Variants in TGM3 observed in about 807,000 individuals in gnomAD.
The protein encoded by TGM3 is transglutaminase 3, also known as protein-glutamine gamma-glutamyltransferase E.
In TGM3, 52 loss-of-function variants were observed where a neutral mutation model predicts 73.8. The ratio of observed to expected loss-of-function variants is 0.70; its 90% CI spans 0.56 to 0.89. The LOEUF (loss-of-function observed/expected upper bound fraction) is 0.89. TGM3 is among the 40% of genes least tolerant of loss of function. The pLI is 0.00. For missense variants in TGM3, 928 were observed against 909.9 expected (o/e 1.02, Z -0.26); for synonymous variants, 372 against 354.9 (o/e 1.05, Z -0.54).
Position 2,334,874 on chromosome 20 carries a change from C to T in TGM3, c.1643-242C>T, listed in dbSNP as rs2084340043. Among the ~76,000 whole-genome samples, 1 of 152,238 alleles carries T rather than the reference C, an allele frequency of 6.6e-6. No homozygotes were observed. The highest frequency in any genetic ancestry group is 6.5e-5 in the Admixed American group (1 of 15,292). ...CAGCGGTATCTTTAGCCCCTGTGAG[C>T]CCATCCTCCTGGGAATCTGCCCAGC... is the stretch of plus-strand genomic sequence containing the variant. On this transcript the variant is annotated intron_variant, in intron 10 of 12. Transcript: ENST00000381458. The surrounding 1 kb of genome is among the most constrained non-coding windows in gnomAD (Gnocchi z 4.0).
chr20:2,310,811 C>T (rs779737485), intron 3 of TGM3, among the ~76,000 whole-genome samples, 200 bp from the exon 4 acceptor site: 3 of 152,176 alleles, frequency 2.0e-5, no homozygotes, highest in Non-Finnish European at 4.4e-5. Context: ...TTCAGACCCT[C>T]GGGTCATCCT....
rs764455839 is a variant in TGM3 at position 2,340,600 on chromosome 20, CGT to C, written c.*20_*21del. Reference sequence around the variant, plus strand: ...CGAATGAAGGGCGCTGGTGGCCTCCCGTACAAACTTGGACAACACGGAGCAGG... The same window carrying C: ...CGAATGAAGGGCGCTGGTGGCCTCCCACAAACTTGGACAACACGGAGCAGG... On this transcript the variant is annotated 3_prime_UTR_variant, in exon 13 of 13. Coordinates refer to ENST00000381458, the MANE Select transcript of TGM3 (RefSeq NM_003245.4). The C allele has an allele frequency of 2.3e-5, 37 of 1,614,008 alleles. No individual in the cohort carries two copies. Among genetic ancestry groups the C allele is most frequent in the Non-Finnish European group, 2.9e-5 (34 of 1,180,004 alleles).
intron 11 of TGM3, among the ~76,000 whole-genome samples, chr20:2,339,462 C>A (rs1337506674): frequency 6.6e-6 from 1 of 152,204 alleles, no homozygotes. Flanking sequence ...CACAGCAAGA[C>A]CCTGTCCTTG....
chr20:2,311,018 C>T lies in TGM3; in HGVS notation c.429C>T (p.Ser143=), dbSNP rs775635030. The change falls in exon 4 of 13, where the codon AGC becomes AGT. Residue 143 remains serine, a synonymous_variant. Coordinates refer to ENST00000381458, the MANE Select transcript of TGM3 (RefSeq NM_003245.4). Reference sequence around the variant, plus strand: ...GCTTTTTGTATCAAATAGTGGATAGCGTCTTTATGGGTAACCACGCTGAGA... The same window carrying T: ...GCTTTTTGTATCAAATAGTGGATAGTGTCTTTATGGGTAACCACGCTGAGA... The part of the protein sequence containing the change: ...LLFNPWLNVD[S]VFMGNHAERE... The T allele has an allele frequency of 5.1e-5, 83 of 1,613,334 alleles. No individual in the cohort carries two copies. The highest frequency in any genetic ancestry group is 1.8e-4 in the East Asian group (8 of 44,888).
intron 1 of TGM3, among the ~76,000 whole-genome samples, chr20:2,307,534 C>T (rs910910674): frequency 6.6e-6 from 1 of 152,202 alleles, no homozygotes; most frequent in Non-Finnish European, 1.5e-5. Flanking sequence ...TTCAGTGTAG[C>T]TTTTCCTGAT....
intron 5 of TGM3, among the ~76,000 whole-genome samples, 190 bp downstream of exon 5, chr20:2,313,216 C>A (rs1452738722): frequency 1.3e-5 from 2 of 152,216 alleles, no homozygotes; most frequent in Non-Finnish European, 2.9e-5. Flanking sequence ...TTGCCTGAGG[C>A]ACACAGTGAG....
At chr20:2,323,209 C>G (rs142644049) in intron 7 of TGM3, among the ~76,000 whole-genome samples, 43 of 152,310 alleles carry the variant, frequency 2.8e-4, no homozygotes, top group African/African-American at 1.0e-3. Context: ...ATCCCTCACC[C>G]CCTTCCCACC....
At chr20:2,327,722 G>T (rs893995464) in intron 8 of TGM3, among the ~76,000 whole-genome samples, 1 of 152,150 alleles carries the variant, frequency 6.6e-6, no homozygotes, top group Non-Finnish European at 1.5e-5. Flanking sequence ...GGTCCCTGCA[G>T]GCTGCCTGTT....
chr20:2,328,769 G>T lies in TGM3; in HGVS notation c.1333+404G>T, dbSNP rs1228422572. On this transcript the variant is annotated intron_variant, in intron 9 of 12. Coordinates refer to ENST00000381458, the MANE Select transcript of TGM3 (RefSeq NM_003245.4). The surrounding 1 kb of genome is among the most constrained non-coding windows in gnomAD (Gnocchi z 5.2). ...TCCCTTAGCCTCTGAGAAACTCAGG[G>T]AGAAAACCATCTGAACGAAGAAAGG... is the stretch of plus-strand genomic sequence containing the variant. Among the ~76,000 whole-genome samples the T allele has an allele frequency of 6.6e-6, 1 of 152,242 alleles. No individual in the cohort carries two copies. Among genetic ancestry groups the T allele is most frequent in the African/African-American group, 2.4e-5 (1 of 41,464 alleles).
At chr20:2,301,337 G>A (rs1016580317) in intron 1 of TGM3, among the ~76,000 whole-genome samples, 8 of 149,996 alleles carry the variant, frequency 5.3e-5, no homozygotes, top group African/African-American at 1.5e-4. Flanking sequence ...TCTGAGACCC[G>A]GCTTCTGGGC....
chr20:2,337,876 A>G (rs903686040), intron 11 of TGM3, among the ~76,000 whole-genome samples: 1 of 152,216 alleles, frequency 6.6e-6, no homozygotes, highest in East Asian at 1.9e-4. Flanking sequence ...AAGATACTAC[A>G]ATATCTTTAG....
rs1449236141 is a variant in TGM3, at chr20:2,309,780, T to C, written c.131T>C (p.Met44Thr). Residue 44 changes from methionine to threonine, a missense_variant, in exon 2 of 13, where the codon ATG becomes ACG. By Grantham distance (81) the Met-to-Thr change is moderately conservative (BLOSUM62 -1). Coordinates refer to ENST00000381458, the MANE Select transcript of TGM3 (RefSeq NM_003245.4). Reference protein sequence around the residue: ...RGQNFQVLMIMNKGLGSNERL... With the variant: ...RGQNFQVLMITNKGLGSNERL... ...CAAAACTTCCAGGTCTTAATGATCA[T>C]GAACAAAGGCCTTGGCTCTAACGAA... 1.9e-6 allele frequency: 3 copies of C among 1,614,220 alleles called. No homozygotes were observed. Among genetic ancestry groups the C allele is most frequent in the South Asian group, 1.1e-5 (1 of 91,084 alleles).
intron 1 of TGM3, among the ~76,000 whole-genome samples, chr20:2,306,036 G>T (rs902424089): frequency 1.3e-5 from 2 of 152,134 alleles, no homozygotes; most frequent in Non-Finnish European, 2.9e-5. Context: ...AGGCACCCTG[G>T]AGCTCAGTTT....
Position 2,328,050 on chromosome 20 carries a change from C to T in TGM3, c.1088-70C>T. On this transcript the variant is annotated intron_variant, in intron 8 of 12. Transcript: ENST00000381458. The surrounding 1 kb of genome is among the most constrained non-coding windows in gnomAD (Gnocchi z 5.2). Reference sequence around the variant, plus strand: ...AGGGGGTTGCAGTGGTCCTGGAAGGCCCTGGGGAATCGGGCACTGGGTAGG... The same window carrying T: ...AGGGGGTTGCAGTGGTCCTGGAAGGTCCTGGGGAATCGGGCACTGGGTAGG... 3.8e-6 allele frequency: 6 copies of T among 1,598,140 alleles called. No individual in the cohort carries two copies. The highest frequency in any genetic ancestry group is 2.2e-5 in the East Asian group (1 of 44,692).
chr20:2,309,858 A>C, intron 2 of TGM3, 28 bp downstream of exon 2: 1 of 1,613,324 alleles, frequency 6.2e-7, no homozygotes, highest in Non-Finnish European at 8.5e-7. Context: ...TCCTTGCCCA[A>C]ACACACACAT....
At chr20:2,300,220 GAAAGAAAGAAAGAAAA>G (rs2084137087) in intron 1 of TGM3, among the ~76,000 whole-genome samples, 1 of 89,078 alleles carries the variant, frequency 1.1e-5, no homozygotes, top group Non-Finnish European at 2.7e-5. Context: ...AGAAAGAGAA[GAAAGAAAGAAAGAAAA>G]AAAGAAAGAA....
intron 5 of TGM3, among the ~76,000 whole-genome samples, chr20:2,313,571 GA>G (rs779160795): frequency 2.0e-5 from 3 of 152,134 alleles, no homozygotes; most frequent in Non-Finnish European, 4.4e-5. Context: ...ATGCAAGTCA[GA>G]CCAGAACAAG....
Position 2,328,452 on chromosome 20 carries a change from C to T in TGM3, c.1333+87C>T. 4 of 1,539,976 alleles carry T rather than the reference C, an allele frequency of 2.6e-6. No individual in the cohort carries two copies. The highest frequency in any genetic ancestry group is 2.4e-5 in the South Asian group (2 of 81,654). On this transcript the variant is annotated intron_variant, in intron 9 of 12. Transcript: ENST00000381458. This position sits in a 1 kb window ranked among gnomAD's most constrained non-coding sequence, Gnocchi z 5.2. The stretch of plus-strand genomic sequence containing the variant: ...GGCTGGAGAGGAGAAAAGTCCTCAC[C>T]TCCCCCGCACTGGCAGCCAGTTCTG...
chr20:2,329,893 C>T (rs2084310530), intron 9 of TGM3, among the ~76,000 whole-genome samples: 1 of 152,164 alleles, frequency 6.6e-6, no homozygotes, highest in Non-Finnish European at 1.5e-5. Context: ...CCTCTATAGC[C>T]TCACTGGAAC....
Sources: gnomAD v4.1 joint callset for allele counts (sites outside exome capture counted in the v4.1 genomes callset) on GRCh38, gnomAD v4.1.1 for gene constraint, Gnocchi (gnomAD v3.1) non-coding constraint, MANE v1.5 for transcripts, NCBI Gene and HGNC (gene_info 2026-07-23, HGNC 2026-07-21) for gene names.